SLC5A10: variants seen among roughly 807,000 people sequenced by gnomAD.
The protein encoded by SLC5A10 is sodium/mannose cotransporter SLC5A10.
SLC5A10 carries 55 observed loss-of-function variants against 68.9 expected under a neutral mutation model. That is an observed-to-expected ratio of 0.80 (90% CI 0.64 to 1.00). The LOEUF (loss-of-function observed/expected upper bound fraction) is 1.00, where lower values mean the gene tolerates loss of function less well. Among genes scored for constraint, SLC5A10 ranks in the 50% least tolerant of loss-of-function variants. The pLI is 0.00. For missense variants in SLC5A10, 732 were observed against 819.3 expected, an observed-to-expected ratio of 0.89 and a Z score of 1.30; for synonymous variants, 344 against 344.8, an observed-to-expected ratio of 1.00 and a Z score of 0.02.
At chr17:19,009,947 C>T (rs1465105014) in intron 9 of SLC5A10, among the ~76,000 whole-genome samples, 1 of 151,850 alleles carries the variant, frequency 6.6e-6, no homozygotes, top group Non-Finnish European at 1.5e-5. Flanking sequence ...GAAGGGTGTT[C>T]CAGGGAGAAG....
intron 1 of SLC5A10, 95 bp from the exon 2 acceptor site, chr17:18,958,587 C>A: frequency 9.8e-7 from 1 of 1,018,218 alleles, no homozygotes; most frequent in Non-Finnish European, 1.5e-6. Context: ...TGATTCTATG[C>A]GTAACCTTTT....
At chr17:18,954,633 G>A (rs1384342609) in intron 1 of SLC5A10, among the ~76,000 whole-genome samples, 1 of 152,216 alleles carries the variant, frequency 6.6e-6, no homozygotes, top group Non-Finnish European at 1.5e-5. Flanking sequence ...TTAGATGGTG[G>A]GCCTGGGAGA....
At position 18,996,613 on chromosome 17, in the gene SLC5A10, C is replaced by T. The variant is rs1567803172; in HGVS notation, c.983-16797C>T. 6.6e-6 allele frequency among the ~76,000 whole-genome samples: 1 copy of T among 152,112 alleles called. No homozygotes were observed. Among genetic ancestry groups the T allele is most frequent in the African/African-American group, 2.4e-5 (1 of 41,420 alleles). ...CTGTGTACTTGGTAACAAATGCTGACCCCAGCCAGAGCAAGGATAATTAGG... is the reference window on the plus strand; with the variant it reads ...CTGTGTACTTGGTAACAAATGCTGATCCCAGCCAGAGCAAGGATAATTAGG... On this transcript the variant is annotated intron_variant, in intron 9 of 14. Transcript: ENST00000395645. This position sits in a 1 kb window ranked among gnomAD's most constrained non-coding sequence, Gnocchi z 4.4.
At chr17:18,950,681 C>T (rs868059273), upstream of SLC5A10, 2 of 985,422 alleles carry the variant, frequency 2.0e-6, no homozygotes, top group Non-Finnish European at 2.4e-6. Flanking sequence ...TCTGCCTAGT[C>T]CTGTATGTGA....
At chr17:18,957,715 C>T (rs551190792) in intron 1 of SLC5A10, among the ~76,000 whole-genome samples, 131 of 152,314 alleles carry the variant, frequency 8.6e-4, no homozygotes, top group African/African-American at 3.0e-3. Context: ...CCACCCACCT[C>T]GGCCTCCCAA....
chr17:19,005,488 C>T (rs568599629), intron 9 of SLC5A10, among the ~76,000 whole-genome samples: 31 of 152,278 alleles, frequency 2.0e-4, no homozygotes, highest in South Asian at 6.2e-4. Context: ...CAACAAACAG[C>T]CCCCACCCCA....
In SLC5A10 at chr17:19,017,486, A is replaced by C. The variant is rs1045109530; in HGVS notation, c.1242-1937A>C. 8.2e-7 allele frequency: 1 copy of C among 1,221,354 alleles called. No homozygotes were observed. The highest frequency in any genetic ancestry group is 1.2e-6 in the Non-Finnish European group (1 of 852,168). The allele number at this position is 1,221,354 out of a possible 1,614,324, so 75.7% of individuals were successfully genotyped here. On this transcript the variant is annotated intron_variant, in intron 11 of 14. Coordinates refer to ENST00000395645, the MANE Select transcript of SLC5A10 (RefSeq NM_001042450.4). The surrounding 1 kb of genome is among the most constrained non-coding windows in gnomAD (Gnocchi z 5.6). ...AGCCCAGAGGCCTGGAGAGGAGGCC[A>C]TCGCAGGGCCGGGTGCAGTACCATG...
intron 9 of SLC5A10, among the ~76,000 whole-genome samples, chr17:18,995,287 CT>C (rs2043536294): frequency 6.6e-6 from 1 of 151,920 alleles, no homozygotes; most frequent in African/African-American, 2.4e-5. Context: ...GATGTGGAAG[CT>C]TTTTTTTAGC....
intron 7 of SLC5A10, 181 bp downstream of exon 7, chr17:18,969,603 C>A (rs868797456): frequency 3.5e-6 from 2 of 570,794 alleles, no homozygotes. Context: ...CCCTCAGGGA[C>A]TGCCCTGGCT....
chr17:19,007,268 G>A (rs2043913994), intron 9 of SLC5A10, among the ~76,000 whole-genome samples: 2 of 148,614 alleles, frequency 1.3e-5, no homozygotes, highest in African/African-American at 4.9e-5. Context: ...CTTTCCTGAT[G>A]GCTAATGTCA....
chr17:19,019,808 C>T lies in SLC5A10; in HGVS notation c.1506C>T (p.Asp502=). 1 of 1,613,484 alleles carries T rather than the reference C, an allele frequency of 6.2e-7. No homozygotes were observed. Among genetic ancestry groups the T allele is most frequent in the South Asian group, 1.1e-5 (1 of 91,034 alleles). The change falls in exon 13 of 15, where the codon GAC becomes GAT. Residue 502 remains aspartate, a synonymous_variant. Transcript: ENST00000395645. ...LNPAPPCGEP[D]TRPAVLGSIH... The stretch of plus-strand genomic sequence containing the variant: ...CAGCCCCACCGTGCGGAGAGCCAGA[C>T]ACGCGGCCAGCCGTCCTGGGGAGCA...
At position 19,017,318 on chromosome 17, in the gene SLC5A10, A is replaced by G; in HGVS notation, c.1242-2105A>G. 6.4e-7 allele frequency: 1 copy of G among 1,551,968 alleles called. No individual in the cohort carries two copies. Among genetic ancestry groups the G allele is most frequent in the Non-Finnish European group, 8.7e-7 (1 of 1,147,054 alleles). On this transcript the variant is annotated intron_variant, in intron 11 of 14. Coordinates refer to ENST00000395645, the MANE Select transcript of SLC5A10 (RefSeq NM_001042450.4). The surrounding 1 kb of genome is among the most constrained non-coding windows in gnomAD (Gnocchi z 5.6). ...ACCCTCAACACCCCCAGCCCCTCAA[A>G]GCCGTCTCAGCTTCCTCCTGCCCGA... is the stretch of plus-strand genomic sequence containing the variant.
In SLC5A10 at chr17:19,015,216, CAGTACGGG is replaced by C; in HGVS notation, c.1241+18_1241+25del. The C allele has an allele frequency of 1.1e-6, 1 of 939,702 alleles. No homozygotes were observed. The highest frequency in any genetic ancestry group is 1.5e-6 in the Non-Finnish European group (1 of 680,984). The allele number at this position is 939,702 out of a possible 1,614,324, so 58.2% of individuals were successfully genotyped here. A position where few individuals can be genotyped will look rare whatever the true frequency, so the allele number is the denominator to read the frequency against. ...GGTGGGACGGTACGGGGGTGGGGGCCAGTACGGGGGTGGGGGAACACTACAAGGGTGGG... is the reference window on the plus strand; with the variant it reads ...GGTGGGACGGTACGGGGGTGGGGGCCGGTGGGGGAACACTACAAGGGTGGG... On this transcript the variant is annotated intron_variant, in intron 11 of 14. Transcript: ENST00000395645.
At chr17:18,992,807 C>A (rs1413267881) in intron 9 of SLC5A10, among the ~76,000 whole-genome samples, 1 of 152,196 alleles carries the variant, frequency 6.6e-6, no homozygotes, top group Admixed American at 6.5e-5. Flanking sequence ...TGGTGCCGGG[C>A]AGGGCCTGTC....
intron 9 of SLC5A10, among the ~76,000 whole-genome samples, chr17:18,983,330 G>A (rs527918686): frequency 1.6e-4 from 25 of 152,364 alleles, no homozygotes; most frequent in Admixed American, 5.9e-4. Context: ...GGAACCACAC[G>A]CCCAGGTCCC....
At chr17:18,962,750 C>T (rs1406158092) in intron 5 of SLC5A10, among the ~76,000 whole-genome samples, 1 of 152,042 alleles carries the variant, frequency 6.6e-6, no homozygotes, top group South Asian at 2.1e-4. Flanking sequence ...GTGAGAGAGA[C>T]AAGAGGAGGC....
chr17:18,969,393 T>C lies in SLC5A10; in HGVS notation c.611T>C (p.Val204Ala), dbSNP rs780644827. Reference protein sequence around the residue: ...YTDALQTLIMVVGAVILTIKA... With the variant: ...YTDALQTLIMAVGAVILTIKA... ...GACGCCCTGCAGACGCTCATCATGGTGGTGGGGGCTGTCATCCTGACAATC... is the reference window on the plus strand; with the variant it reads ...GACGCCCTGCAGACGCTCATCATGGCGGTGGGGGCTGTCATCCTGACAATC... Residue 204 changes from valine to alanine, a missense_variant, in exon 7 of 15, where the codon GTG becomes GCG. Transcript: ENST00000395645. The C allele has an allele frequency of 1.2e-6, 2 of 1,613,636 alleles. No homozygotes were observed. Among genetic ancestry groups the C allele is most frequent in the South Asian group, 2.2e-5 (2 of 91,072 alleles).
At chr17:18,967,251 C>G (rs188235817) in intron 5 of SLC5A10, among the ~76,000 whole-genome samples, 254 of 152,284 alleles carry the variant, frequency 1.7e-3, no homozygotes, top group African/African-American at 5.9e-3. Flanking sequence ...ATAGGGGAGA[C>G]AGCAGTGAAA....
intron 9 of SLC5A10, among the ~76,000 whole-genome samples, chr17:19,005,827 C>T (rs1458352882): frequency 5.3e-5 from 8 of 152,224 alleles, no homozygotes; most frequent in Non-Finnish European, 1.2e-4. Context: ...CTTTATGCTA[C>T]TGAACATAGT....
Sources: gnomAD v4.1 joint callset for allele counts (sites outside exome capture counted in the v4.1 genomes callset) on GRCh38, gnomAD v4.1.1 for gene constraint, Gnocchi (gnomAD v3.1) non-coding constraint, MANE v1.5 for transcripts, NCBI Gene and HGNC (gene_info 2026-07-23, HGNC 2026-07-21) for gene names.